SNX10: variants seen among roughly 807,000 people sequenced by gnomAD.
The protein encoded by SNX10 is sorting nexin 10, also known as sorting nexin-10.
A neutral mutation model predicts 28.5 loss-of-function variants in SNX10; 25 were observed. That is an observed-to-expected ratio of 0.88 (90% CI 0.64 to 1.22). The LOEUF (loss-of-function observed/expected upper bound fraction) is 1.22. Among genes scored for constraint, SNX10 ranks in the 50% most tolerant of loss-of-function variants. SNX10 has a pLI of 0.00. For synonymous variants in SNX10, 62 were observed against 81.4 expected, an observed-to-expected ratio of 0.76 and a Z score of 1.28; for missense variants, 223 against 242.6, an observed-to-expected ratio of 0.92 and a Z score of 0.54.
At chr7:26,350,986 G>T (rs372471049) in intron 2 of SNX10, among the ~76,000 whole-genome samples, 1 of 150,130 alleles carries the variant, frequency 6.7e-6, no homozygotes, top group South Asian at 2.1e-4. Flanking sequence ...TAAAATAATT[G>T]TTCACTGCAG....
chr7:26,297,023 T>G (rs1786136975), intron 1 of SNX10, among the ~76,000 whole-genome samples: 1 of 152,210 alleles, frequency 6.6e-6, no homozygotes, highest in Non-Finnish European at 1.5e-5. Context: ...AAAAGTAAAT[T>G]CCATTTAAAG....
chr7:26,309,813 G>A (rs866191168), intron 1 of SNX10, among the ~76,000 whole-genome samples: 17 of 152,068 alleles, frequency 1.1e-4, no homozygotes, highest in Admixed American at 6.6e-4. Context: ...CCTGGGCCGC[G>A]ATCCTGGCTT....
rs150780636 is a variant in SNX10 at position 26,318,269 on chromosome 7, T to C, written c.-24+26183T>C. On this transcript the variant is annotated intron_variant, in intron 1 of 6. Transcript: ENST00000338523. ...TATGTGGTTATTTCTTATAGCTAAGTGTGCAGGGATCCTTGTGCATCCTTT... is the reference window on the plus strand; with the variant it reads ...TATGTGGTTATTTCTTATAGCTAAGCGTGCAGGGATCCTTGTGCATCCTTT... 2.9e-3 allele frequency among the ~76,000 whole-genome samples: 440 copies of C among 152,274 alleles called. 5 individuals carry two copies. Among genetic ancestry groups the C allele is most frequent in the Middle Eastern group, 0.014 (4 of 294 alleles).
intron 1 of SNX10, among the ~76,000 whole-genome samples, chr7:26,301,019 CAAA>C (rs1170123330): frequency 2.0e-4 from 2 of 9,964 alleles, no homozygotes; most frequent in African/African-American, 3.7e-4. Flanking sequence ...ACTCTGTCTC[CAAA>C]AAAAAAAAAA....
At chr7:26,351,848 G>A (rs533324475) in intron 2 of SNX10, among the ~76,000 whole-genome samples, 1 of 142,060 alleles carries the variant, frequency 7.0e-6, no homozygotes, top group Admixed American at 6.9e-5. Context: ...AGTAGAGGCG[G>A]GGTTTCACCA....
intron 5 of SNX10, among the ~76,000 whole-genome samples, chr7:26,366,837 TG>T (rs1405076572): frequency 2.6e-5 from 4 of 152,206 alleles, no homozygotes; most frequent in Non-Finnish European, 1.5e-5. Context: ...TATCCACAGT[TG>T]ATCTACCCAA....
chr7:26,372,355 CTAAT>C (rs1198896827), intron 6 of SNX10, 132 bp from the exon 7 acceptor site: 1 of 682,488 alleles, frequency 1.5e-6, no homozygotes, highest in East Asian at 2.5e-5. Flanking sequence ...CTCCAAATGG[CTAAT>C]TAAAAGTCCA....
At chr7:26,370,050 C>A (rs529932997) in intron 5 of SNX10, among the ~76,000 whole-genome samples, 14 of 152,260 alleles carry the variant, frequency 9.2e-5, no homozygotes, top group Admixed American at 8.5e-4. Context: ...TTAAAGATTA[C>A]CCATTATTTT....
At chr7:26,336,000 G>A (rs2128006781) in intron 1 of SNX10, among the ~76,000 whole-genome samples, 1 of 152,040 alleles carries the variant, frequency 6.6e-6, no homozygotes, top group Non-Finnish European at 1.5e-5. Context: ...CAAAGTGCTG[G>A]GATTACAGGC....
At chr7:26,304,559 A>T (rs1293501815) in intron 1 of SNX10, among the ~76,000 whole-genome samples, 1 of 151,880 alleles carries the variant, frequency 6.6e-6, no homozygotes, top group Non-Finnish European at 1.5e-5. Flanking sequence ...GTCAGGGGGG[A>T]TTACACCGCA....
intron 3 of SNX10, among the ~76,000 whole-genome samples, chr7:26,361,828 A>G (rs1230836930): frequency 6.6e-6 from 1 of 152,238 alleles, no homozygotes; most frequent in Non-Finnish European, 1.5e-5. Flanking sequence ...GTGTCAGACC[A>G]GATTTGGCCC....
chr7:26,349,925 G>A (rs75672713), intron 2 of SNX10, among the ~76,000 whole-genome samples: 10,660 of 152,230 alleles, frequency 0.07, 490 homozygotes, highest in Non-Finnish European at 0.099. Flanking sequence ...TCATGGAGTC[G>A]GACATTCTTG....
rs566659616 is a variant in SNX10, at chr7:26,348,695, T to G, written c.24+2229T>G. Among the ~76,000 whole-genome samples the G allele has an allele frequency of 1.3e-5, 2 of 152,324 alleles. 1 individual carries two copies. The highest frequency in any genetic ancestry group is 4.8e-5 in the African/African-American group (2 of 41,588). On this transcript the variant is annotated intron_variant, in intron 2 of 6. Coordinates refer to ENST00000338523, the MANE Select transcript of SNX10 (RefSeq NM_013322.3). ...AGTCAAAACACCTGCACGTGGTCTC[T>G]AGCACTCTGCAGGATCCAAACCTCC...
At chr7:26,309,280 A>G (rs772291894) in intron 1 of SNX10, among the ~76,000 whole-genome samples, 3 of 151,702 alleles carry the variant, frequency 2.0e-5, no homozygotes, top group Non-Finnish European at 4.4e-5. Context: ...GGCACATCAC[A>G]GTGAGCATTG....
At chr7:26,315,346 T>G (rs1292457025) in intron 1 of SNX10, among the ~76,000 whole-genome samples, 1 of 152,180 alleles carries the variant, frequency 6.6e-6, no homozygotes, top group Non-Finnish European at 1.5e-5. Context: ...CTATCCCCAT[T>G]GTCCCAAAAG....
chr7:26,372,020 T>G lies in SNX10; in HGVS notation c.511T>G (p.Tyr171Asp). ...EEGKKENDIDYDSESSSSGLG... is the reference protein window; with the variant it reads ...EEGKKENDIDDDSESSSSGLG... ...AGGAAAAAAAGAAAATGATATAGAT[T>G]ATGATTCAGAAAGGTATTTCCTTGC... Residue 171 changes from tyrosine (Y) to aspartate (D), a missense_variant, in exon 6 of 7, where the codon TAT becomes GAT. By Grantham distance (160) the Tyr-to-Asp change is radical. Transcript: ENST00000338523. 6.2e-7 allele frequency: 1 copy of G among 1,600,708 alleles called. No individual in the cohort carries two copies.
intron 1 of SNX10, among the ~76,000 whole-genome samples, chr7:26,344,625 T>C (rs1408030123): frequency 6.6e-6 from 1 of 152,208 alleles, no homozygotes; most frequent in Non-Finnish European, 1.5e-5. Flanking sequence ...TTCCTATCAG[T>C]TCCACATTAT....
chr7:26,372,344 A>C (rs1402326533), intron 6 of SNX10, 147 bp from the exon 7 acceptor site: 2 of 663,774 alleles, frequency 3.0e-6, no homozygotes, highest in Non-Finnish European at 5.4e-6. Flanking sequence ...ACCCAACTGC[A>C]CTCCAAATGG....
At chr7:26,372,426 G>A in intron 6 of SNX10, 65 bp from the exon 7 acceptor site, 1 of 984,020 alleles carries the variant, frequency 1.0e-6, no homozygotes, top group South Asian at 1.3e-5. Context: ...TGTTACTCAG[G>A]CTTTGAGTGT....
Sources: allele counts gnomAD v4.1 joint callset (sites outside exome capture counted in the v4.1 genomes callset), GRCh38; gene constraint gnomAD v4.1.1; transcripts MANE v1.5; gene names NCBI Gene and HGNC (gene_info 2026-07-23, HGNC 2026-07-21).